Variants in KALRN observed in about 807,000 individuals in gnomAD.
The protein encoded by KALRN is kalirin.
Under a neutral mutation model 353.7 loss-of-function variants are expected in KALRN, and 70 were observed. The observed-to-expected ratio is 0.20, with a 90% confidence interval of 0.16 to 0.24. KALRN has a LOEUF of 0.24. Ranked by LOEUF, KALRN falls within the 10% of genes least tolerant of loss-of-function variation. The pLI, the probability that KALRN is intolerant of heterozygous loss-of-function variation, is 1.00. For missense variants in KALRN, 2,791 were observed against 3,756.7 expected (o/e 0.74, Z 6.72); for synonymous variants, 1,391 against 1,434.8 (o/e 0.97, Z 0.69).
chr3:124,660,707 G>T (rs944348531), intron 43 of KALRN, among the ~76,000 whole-genome samples: 1 of 143,678 alleles, frequency 7.0e-6, no homozygotes. Flanking sequence ...AGGAAAGAAA[G>T]AAAGAAAAGA....
At chr3:124,600,684 G>A (rs1266774032) in intron 34 of KALRN, among the ~76,000 whole-genome samples, 1 of 151,900 alleles carries the variant, frequency 6.6e-6, no homozygotes, top group Non-Finnish European at 1.5e-5. Context: ...TATATATGTA[G>A]GACATTTTTA....
intron 10 of KALRN, among the ~76,000 whole-genome samples, chr3:124,379,670 G>A (rs751901784): frequency 2.0e-5 from 3 of 152,166 alleles, no homozygotes; most frequent in Non-Finnish European, 4.4e-5. Flanking sequence ...TGACTGGTGG[G>A]AGCAGGTGCT....
intron 32 of KALRN, among the ~76,000 whole-genome samples, chr3:124,493,887 A>AT (rs1180083264): frequency 2.0e-5 from 3 of 152,244 alleles, no homozygotes; most frequent in African/African-American, 7.2e-5. Flanking sequence ...GCTCTGGTGA[A>AT]GGGGTCATTT....
chr3:124,164,418 A>G (rs1450697863), intron 1 of KALRN: 1 of 152,236 alleles, frequency 6.6e-6, no homozygotes, highest in Non-Finnish European at 1.5e-5. Flanking sequence ...TGCCTTCTGC[A>G]GCATGGGAGC....
chr3:124,538,001 T>A (rs1185417204), intron 33 of KALRN, among the ~76,000 whole-genome samples: 2 of 152,220 alleles, frequency 1.3e-5, no homozygotes, highest in Non-Finnish European at 2.9e-5. Context: ...AGCAAAAGAA[T>A]TGTGAGAAAC....
intron 34 of KALRN, among the ~76,000 whole-genome samples, chr3:124,604,523 A>T (rs1473006569): frequency 6.6e-6 from 1 of 152,178 alleles, no homozygotes; most frequent in East Asian, 1.9e-4. Flanking sequence ...GAGCTCATGA[A>T]AGCCCTATAA....
intron 1 of KALRN, among the ~76,000 whole-genome samples, chr3:124,155,657 A>G (rs2068874014): frequency 6.6e-6 from 1 of 152,256 alleles, no homozygotes; most frequent in South Asian, 2.1e-4. Context: ...GTGGAACCAT[A>G]TGAAATGGAA....
chr3:124,493,323 G>A (rs1215331374), intron 32 of KALRN, among the ~76,000 whole-genome samples: 1 of 152,192 alleles, frequency 6.6e-6, no homozygotes, highest in East Asian at 1.9e-4. Flanking sequence ...AATGTGTGGA[G>A]TGGTGGTTTC....
At chr3:124,538,427 T>A (rs2068727429) in intron 33 of KALRN, among the ~76,000 whole-genome samples, 2 of 152,176 alleles carry the variant, frequency 1.3e-5, no homozygotes, top group South Asian at 4.1e-4. Flanking sequence ...GAAGGTTGTG[T>A]GTGTGCATTG....
intron 17 of KALRN, among the ~76,000 whole-genome samples, chr3:124,436,332 C>A (rs2093459045): frequency 6.6e-6 from 1 of 150,410 alleles, no homozygotes; most frequent in Non-Finnish European, 1.5e-5. Flanking sequence ...TTTCTCATTT[C>A]TTCTAATCCC....
chr3:124,171,075 A>C (rs28587046), intron 1 of KALRN, among the ~76,000 whole-genome samples: 51,732 of 151,448 alleles, frequency 0.34, 8,816 homozygotes, highest in East Asian at 0.48. Context: ...CCTTGACCTC[A>C]CAAAGTGTTG....
intron 10 of KALRN, among the ~76,000 whole-genome samples, chr3:124,354,238 CTG>C (rs1412005232): frequency 6.6e-6 from 1 of 152,218 alleles, no homozygotes; most frequent in Non-Finnish European, 1.5e-5. Context: ...GAGTAACAAA[CTG>C]AAAGATTTGA....
intron 1 of KALRN, among the ~76,000 whole-genome samples, chr3:124,201,433 G>A (rs1444760): frequency 0.36 from 55,141 of 152,050 alleles, 10,275 homozygotes; most frequent in East Asian, 0.54. Flanking sequence ...GGTCACTCCA[G>A]TGTCTTGGCA....
intron 1 of KALRN, among the ~76,000 whole-genome samples, chr3:124,177,508 C>G (rs1378959036): frequency 1.3e-5 from 2 of 152,144 alleles, no homozygotes; most frequent in Non-Finnish European, 2.9e-5. Context: ...GGGAACCCAC[C>G]CTGAGGAAGC....
chr3:124,362,525 C>A (rs959640553), intron 10 of KALRN, among the ~76,000 whole-genome samples: 3 of 152,242 alleles, frequency 2.0e-5, no homozygotes, highest in African/African-American at 7.2e-5. Context: ...CAAGGTACTG[C>A]CCTTTGGATT....
chr3:124,536,835 A>G (rs1202087284), intron 33 of KALRN, among the ~76,000 whole-genome samples: 1 of 152,222 alleles, frequency 6.6e-6, no homozygotes, highest in Admixed American at 6.5e-5. Context: ...AAGGCATTTA[A>G]AATATACACT....
intron 51 of KALRN, among the ~76,000 whole-genome samples, chr3:124,690,604 T>A (rs186506821): frequency 5.3e-4 from 80 of 152,362 alleles, no homozygotes; most frequent in African/African-American, 1.9e-3. Flanking sequence ...TGCTGAATGC[T>A]ATGATGGAAC....
At chr3:124,043,739 C>T (rs1317671) in intron 1 of KALRN, among the ~76,000 whole-genome samples, 90,780 of 151,950 alleles carry the variant, frequency 0.6, 29,772 homozygotes, top group Non-Finnish European at 0.75. Flanking sequence ...AGCTAAGAAG[C>T]GAGGCTGGGA....
intron 23 of KALRN, among the ~76,000 whole-genome samples, chr3:124,457,864 G>A (rs923801952): frequency 6.6e-6 from 1 of 152,128 alleles, no homozygotes; most frequent in African/African-American, 2.4e-5. Flanking sequence ...TACTGCTATC[G>A]TTTGTCCTCA....
Sources: allele counts gnomAD v4.1 joint callset (sites outside exome capture counted in the v4.1 genomes callset), GRCh38; gene constraint gnomAD v4.1.1; transcripts MANE v1.5; gene names NCBI Gene and HGNC (gene_info 2026-07-23, HGNC 2026-07-21).